INTS9: variants seen among roughly 807,000 people sequenced by gnomAD.
The protein encoded by INTS9 is protein related to CPSF subunits of 74 kDa.
Under a neutral mutation model 79.7 loss-of-function variants are expected in INTS9, and 55 were observed. That is an observed-to-expected ratio of 0.69 (90% CI 0.56 to 0.86). The LOEUF is 0.86. Ranked by LOEUF, INTS9 falls within the 40% of genes least tolerant of loss-of-function variation. The pLI is 0.00. For synonymous variants in INTS9, 319 were observed against 325.2 expected (o/e 0.98, Z 0.20); for missense variants, 721 against 831.5 (o/e 0.87, Z 1.64).
Position 28,863,612 on chromosome 8 carries a change from C to T in INTS9, c.10-4049G>A, listed in dbSNP as rs188271426. ...CCAATACGGTGAAACCTTGTCTCTA[C>T]TAAAGATACAAAAATTAGCTGGGCA... On this transcript the variant is annotated intron_variant, in intron 1 of 16. Transcript: ENST00000521022. 3.3e-3 allele frequency among the ~76,000 whole-genome samples: 505 copies of T among 152,208 alleles called. 3 individuals are homozygous for T. The highest frequency in any genetic ancestry group is 0.012 in the African/African-American group (479 of 41,534).
chr8:28,879,968 C>A (rs939252634), intron 1 of INTS9, among the ~76,000 whole-genome samples: 26 of 152,088 alleles, frequency 1.7e-4, no homozygotes, highest in African/African-American at 6.0e-4. Flanking sequence ...GAATGAGGCA[C>A]AACTCTGAAA....
At chr8:28,778,597 A>C (rs1803046525) in intron 12 of INTS9, among the ~76,000 whole-genome samples, 1 of 152,192 alleles carries the variant, frequency 6.6e-6, no homozygotes. Context: ...CAGACCGGGA[A>C]GAGTCCTCGC....
chr8:28,795,869 T>C (rs1303322056), intron 9 of INTS9, among the ~76,000 whole-genome samples: 1 of 152,152 alleles, frequency 6.6e-6, no homozygotes, highest in Non-Finnish European at 1.5e-5. Flanking sequence ...TTTGTCTAAA[T>C]GAGAAGCAGA....
At chr8:28,881,968 T>C (rs1219092293) in intron 1 of INTS9, among the ~76,000 whole-genome samples, 34 of 140,632 alleles carry the variant, frequency 2.4e-4, no homozygotes, top group Admixed American at 4.9e-4. Flanking sequence ...CAGCGGCTCA[T>C]TGGGGATGGG....
chr8:28,841,275 C>T (rs1252803943), intron 4 of INTS9, among the ~76,000 whole-genome samples: 1 of 152,178 alleles, frequency 6.6e-6, no homozygotes, highest in Non-Finnish European at 1.5e-5. Flanking sequence ...TTTGCTGGTC[C>T]TACTCTCCAC....
chr8:28,871,428 A>T (rs1274045801), intron 1 of INTS9, among the ~76,000 whole-genome samples: 1 of 152,012 alleles, frequency 6.6e-6, no homozygotes, highest in African/African-American at 2.4e-5. Flanking sequence ...TTTTTGAGAC[A>T]GGGTCTCACT....
At chr8:28,772,573 C>T (rs889543885) in intron 14 of INTS9, among the ~76,000 whole-genome samples, 6 of 151,560 alleles carry the variant, frequency 4.0e-5, no homozygotes, top group South Asian at 4.2e-4. Flanking sequence ...CTTGGGAGGC[C>T]GAGGTGGGTA....
intron 13 of INTS9, among the ~76,000 whole-genome samples, chr8:28,776,541 T>C (rs940112701): frequency 4.0e-5 from 6 of 151,644 alleles, no homozygotes; most frequent in Non-Finnish European, 7.4e-5. Flanking sequence ...TGAAAAGGAA[T>C]GCTGGCAGCC....
intron 15 of INTS9, among the ~76,000 whole-genome samples, chr8:28,770,303 A>G (rs1802456168): frequency 1.3e-5 from 2 of 152,238 alleles, no homozygotes; most frequent in Admixed American, 1.3e-4. Flanking sequence ...TCACTTCAGT[A>G]TCTGCTGAGT....
At chr8:28,773,257 A>T (rs923329348) in intron 14 of INTS9, among the ~76,000 whole-genome samples, 8 of 152,172 alleles carry the variant, frequency 5.3e-5, no homozygotes, top group Admixed American at 2.0e-4. Flanking sequence ...AGGTCAGGAG[A>T]TTGAGACCAT....
intron 1 of INTS9, among the ~76,000 whole-genome samples, chr8:28,868,107 G>T (rs1435895173): frequency 1.3e-5 from 2 of 152,180 alleles, no homozygotes; most frequent in Middle Eastern, 3.2e-3. Flanking sequence ...ATTACTTTTT[G>T]CAGAGGTGGT....
chr8:28,824,955 T>C (rs1255358115), intron 6 of INTS9, among the ~76,000 whole-genome samples: 2 of 152,048 alleles, frequency 1.3e-5, no homozygotes, highest in Non-Finnish European at 2.9e-5. Flanking sequence ...AGATGCTGAG[T>C]CAAGGTTTGT....
At position 28,780,635 on chromosome 8, in the gene INTS9, A is replaced by G; in HGVS notation, c.1270+188T>C. On this transcript the variant is annotated intron_variant, in intron 12 of 16. Transcript: ENST00000521022. ...GGCATGAAGGCCTCGCTGGATGCCC[A>G]GCTGTCCAATGGCACACACTGCTTC... 3 of 985,458 alleles carry G rather than the reference A, an allele frequency of 3.0e-6. No individual in the cohort carries two copies. In the South Asian group the frequency reaches 1.4e-4, roughly 46 times the overall value. 61.0% of individuals were successfully genotyped at this position (985,458 alleles called of 1,614,324 possible).
At chr8:28,841,098 C>T (rs1807157606) in intron 4 of INTS9, among the ~76,000 whole-genome samples, 1 of 152,096 alleles carries the variant, frequency 6.6e-6, no homozygotes, top group South Asian at 2.1e-4. Context: ...GCAGCATCGG[C>T]CCCCGAGGAC....
chr8:28,840,098 A>T (rs1807076975), intron 4 of INTS9, among the ~76,000 whole-genome samples: 2 of 147,536 alleles, frequency 1.4e-5, no homozygotes, highest in Non-Finnish European at 1.5e-5. Context: ...TTTACAAGAA[A>T]AAAACAAACA....
chr8:28,885,719 T>C (rs1810145263), intron 1 of INTS9, among the ~76,000 whole-genome samples: 1 of 152,248 alleles, frequency 6.6e-6, no homozygotes, highest in Non-Finnish European at 1.5e-5. Flanking sequence ...TCAGAATTTT[T>C]TGTTCCATGT....
chr8:28,786,585 A>G (rs1029221100), intron 11 of INTS9, among the ~76,000 whole-genome samples: 6 of 151,902 alleles, frequency 3.9e-5, no homozygotes, highest in Non-Finnish European at 8.8e-5. Context: ...GAGCCACCGC[A>G]CCTGACCAAA....
At chr8:28,774,076 G>A (rs1165544101) in intron 14 of INTS9, among the ~76,000 whole-genome samples, 2 of 152,150 alleles carry the variant, frequency 1.3e-5, no homozygotes, top group African/African-American at 4.8e-5. Context: ...GCCTCCCACA[G>A]TGCTAGGATT....
chr8:28,866,988 TAAA>T (rs537125267), intron 1 of INTS9, among the ~76,000 whole-genome samples: 2 of 146,850 alleles, frequency 1.4e-5, no homozygotes, highest in Non-Finnish European at 3.0e-5. Context: ...AAAAGAAAAA[TAAA>T]AAATCTGCTT....
Sources: allele counts gnomAD v4.1 joint callset (sites outside exome capture counted in the v4.1 genomes callset), GRCh38; gene constraint gnomAD v4.1.1; transcripts MANE v1.5; gene names NCBI Gene and HGNC (gene_info 2026-07-23, HGNC 2026-07-21).